C19orf18: variants seen among roughly 807,000 people sequenced by gnomAD.
The protein encoded by C19orf18 is uncharacterized protein C19orf18.
Under a neutral mutation model 23.3 loss-of-function variants are expected in C19orf18, and 21 were observed. The observed-to-expected ratio is 0.90, with a 90% CI of 0.64 to 1.30. C19orf18 has a LOEUF of 1.30. Ranked by LOEUF, C19orf18 falls within the 50% of genes most tolerant of loss-of-function variation. The pLI is 0.00. For synonymous variants in C19orf18, 96 were observed against 95.2 expected (o/e 1.01, Z -0.05); for missense variants, 249 against 259.6 (o/e 0.96, Z 0.28).
chr19:57,973,706 C>T (rs1261919457), intron 2 of C19orf18, among the ~76,000 whole-genome samples: 1 of 142,922 alleles, frequency 7.0e-6, no homozygotes, highest in African/African-American at 2.6e-5. Flanking sequence ...GCCTGGGCGA[C>T]AGAGCAAGAC....
At chr19:57,973,890 A>AAAAG (rs34609607) in intron 2 of C19orf18, among the ~76,000 whole-genome samples, 38,222 of 151,998 alleles carry the variant, frequency 0.25, 5,032 homozygotes, top group African/African-American at 0.32. Flanking sequence ...AGTGAAATGA[A>AAAAG]AAAGAGAAGA....
intron 2 of C19orf18, among the ~76,000 whole-genome samples, chr19:57,973,642 G>A (rs2072962153): frequency 6.6e-6 from 1 of 151,374 alleles, no homozygotes; most frequent in East Asian, 2.0e-4. Flanking sequence ...GGAGAATGGT[G>A]TGAACCCAGG....
intron 3 of C19orf18, among the ~76,000 whole-genome samples, chr19:57,971,864 C>T (rs1232785857): frequency 1.3e-5 from 2 of 152,096 alleles, no homozygotes; most frequent in African/African-American, 2.4e-5. Flanking sequence ...TCTAGGGACC[C>T]GTGAGTATCA....
In C19orf18 at chr19:57,966,069, C is replaced by T. The variant is rs2072905462; in HGVS notation, c.371+461G>A. ...CTCGGCTCACTGCAAGCTCCGCCTCCCGGGTTCACACCATTCTCCTGCCTC... is the reference window on the plus strand; with the variant it reads ...CTCGGCTCACTGCAAGCTCCGCCTCTCGGGTTCACACCATTCTCCTGCCTC... On this transcript the variant is annotated intron_variant, in intron 4 of 5. Coordinates refer to ENST00000314391, the MANE Select transcript of C19orf18 (RefSeq NM_152474.5). Among the ~76,000 whole-genome samples the T allele has an allele frequency of 1.3e-5, 2 of 151,906 alleles. 1 individual carries two copies. Among genetic ancestry groups the T allele is most frequent in the Non-Finnish European group, 2.9e-5 (2 of 67,948 alleles).
chr19:57,972,786 T>C (rs2072953733), intron 2 of C19orf18, among the ~76,000 whole-genome samples: 1 of 152,124 alleles, frequency 6.6e-6, no homozygotes, highest in South Asian at 2.1e-4. Flanking sequence ...TGGTCTCCTT[T>C]TGCAGTCATA....
At position 57,968,118 on chromosome 19, in the gene C19orf18, C is replaced by T. The variant is rs948115376; in HGVS notation, c.269-1486G>A. ...AGGCATCAGCAGCTTTGGTGGCTGG[C>T]GAGGGTTCACTTTCTGGTTCAACAG... On this transcript the variant is annotated intron_variant, in intron 3 of 5. Transcript: ENST00000314391. 3.3e-5 allele frequency among the ~76,000 whole-genome samples: 5 copies of T among 152,218 alleles called. No individual in the cohort carries two copies. In the South Asian group the frequency reaches 6.2e-4, roughly 19 times the overall value.
intron 4 of C19orf18, among the ~76,000 whole-genome samples, chr19:57,965,117 T>TTTATTTATTTA (rs1555787180): frequency 5.5e-5 from 8 of 145,938 alleles, no homozygotes; most frequent in Admixed American, 2.7e-4. Flanking sequence ...GTTCTTTTTA[T>TTTATTTATTTA]TTTATTTATT....
rs572982358 is a variant in C19orf18 at position 57,972,408 on chromosome 19, C to T, written c.268+55G>A. The T allele has an allele frequency of 4.5e-5, 72 of 1,595,938 alleles. No homozygotes were observed. In the African/African-American group the frequency reaches 8.4e-4, roughly 19 times the overall value. On this transcript the variant is annotated intron_variant, in intron 3 of 5. Transcript: ENST00000314391. ...CAGCACCCTCTGGAGCCACACATCA[C>T]GACAGCTTCAGGAATGTTGCGGGTC...
chr19:57,970,739 T>C (rs936678710), intron 3 of C19orf18, among the ~76,000 whole-genome samples: 2 of 152,056 alleles, frequency 1.3e-5, no homozygotes, highest in African/African-American at 4.8e-5. Flanking sequence ...TTTGTATTTT[T>C]AGTAGAGATG....
Position 57,966,646 on chromosome 19 carries a change from A to G in C19orf18, c.269-14T>C, listed in dbSNP as rs1187672959. 1 of 1,568,202 alleles carries G rather than the reference A, an allele frequency of 6.4e-7. No individual in the cohort carries two copies. Among genetic ancestry groups the G allele is most frequent in the East Asian group, 2.2e-5 (1 of 44,644 alleles). ...GCCGAATTATTGCTAAAAAGAAAGAAAAGAAAAGAAGTGCTCAAAAATGTT... is the reference window on the plus strand; with the variant it reads ...GCCGAATTATTGCTAAAAAGAAAGAGAAGAAAAGAAGTGCTCAAAAATGTT... On this transcript the variant is annotated splice_polypyrimidine_tract_variant and intron_variant, in intron 3 of 5. Coordinates refer to ENST00000314391, the MANE Select transcript of C19orf18 (RefSeq NM_152474.5).
intron 5 of C19orf18, among the ~76,000 whole-genome samples, chr19:57,959,461 C>A (rs190493147): frequency 4.6e-5 from 7 of 151,570 alleles, no homozygotes; most frequent in Admixed American, 2.6e-4. Flanking sequence ...CCCATCTCTA[C>A]TAAAAATACA....
intron 5 of C19orf18, 146 bp downstream of exon 5, chr19:57,961,245 T>TGAAAGAAAGAAAGGAAGGAA: frequency 1.2e-6 from 1 of 818,156 alleles, no homozygotes; most frequent in Non-Finnish European, 1.7e-6. Flanking sequence ...AAAAAAAAAA[T>TGAAAGAAAGAAAGGAAGGAA]GAAAGAAAGA....
rs59100128 is a variant in C19orf18 at position 57,969,566 on chromosome 19, G to GAAAA, written c.268+2893_268+2896dup. On this transcript the variant is annotated intron_variant, in intron 3 of 5. Coordinates refer to ENST00000314391, the MANE Select transcript of C19orf18 (RefSeq NM_152474.5). ...TGAGACTCTGTCTTAAAAAAAAACAGAAAAAAAAAAAAAAAAAAAAAAAAA... is the reference window on the plus strand; with the variant it reads ...TGAGACTCTGTCTTAAAAAAAAACAGAAAAAAAAAAAAAAAAAAAAAAAAAAAAA... Among the ~76,000 whole-genome samples the GAAAA allele has an allele frequency of 4.3e-3, 202 of 46,488 alleles. 4 individuals carry two copies. Among genetic ancestry groups the GAAAA allele is most frequent in the African/African-American group, 8.3e-3 (87 of 10,530 alleles). The allele number at this position is 46,488 out of a possible 152,430, so 30.5% of individuals were successfully genotyped here.
At chr19:57,972,366 G>C in intron 3 of C19orf18, 97 bp downstream of exon 3, 3 of 1,428,946 alleles carry the variant, frequency 2.1e-6, no homozygotes, top group Non-Finnish European at 2.9e-6. Flanking sequence ...ACGTGTGCAG[G>C]CTCCTTGGTG....
chr19:57,967,825 C>A (rs768158084), intron 3 of C19orf18, among the ~76,000 whole-genome samples: 1 of 145,628 alleles, frequency 6.9e-6, no homozygotes, highest in Non-Finnish European at 1.5e-5. Context: ...CTGACCAACA[C>A]GGCGAAACCC....
At chr19:57,973,950 A>T in intron 2 of C19orf18, 149 bp downstream of exon 2, 1 of 732,238 alleles carries the variant, frequency 1.4e-6, no homozygotes, top group South Asian at 1.9e-5. Context: ...GAAGAGCATA[A>T]GATCTAATTT....
intron 3 of C19orf18, among the ~76,000 whole-genome samples, chr19:57,969,519 C>A (rs765000921): frequency 6.3e-5 from 8 of 126,936 alleles, no homozygotes; most frequent in African/African-American, 2.4e-4. Flanking sequence ...GGCGCCATTG[C>A]ACTCCAGCCT....
intron 3 of C19orf18, 151 bp downstream of exon 3, chr19:57,972,312 C>T (rs1600208899): frequency 3.5e-6 from 3 of 865,574 alleles, no homozygotes; most frequent in Non-Finnish European, 5.3e-6. Flanking sequence ...CACTGCGCAT[C>T]CCCCTCCAGA....
chr19:57,966,508 A>T (rs372518377), intron 4 of C19orf18, 22 bp downstream of exon 4: 122 of 1,437,970 alleles, frequency 8.5e-5, no homozygotes, highest in Non-Finnish European at 1.1e-4. Flanking sequence ...AGGACAGCAG[A>T]TATTACTTAG....
Sources: gnomAD v4.1 joint callset for allele counts (sites outside exome capture counted in the v4.1 genomes callset) on GRCh38, gnomAD v4.1.1 for gene constraint, MANE v1.5 for transcripts, NCBI Gene and HGNC (gene_info 2026-07-23, HGNC 2026-07-21) for gene names.